The following RAD51B variants were observed in gnomAD, a reference collection of about 807,000 sequenced individuals.
RAD51B encodes the protein DNA repair protein RAD51 homolog 2.
Under a neutral mutation model 42.2 loss-of-function variants are expected in RAD51B, and 38 were observed. The ratio of observed to expected loss-of-function variants is 0.90; its 90% CI spans 0.70 to 1.18. The LOEUF (loss-of-function observed/expected upper bound fraction) is 1.18, where lower values mean the gene tolerates loss of function less well. Among genes scored for constraint, RAD51B ranks in the 50% most tolerant of loss-of-function variants. RAD51B has a pLI of 0.00. For missense variants in RAD51B, 373 were observed against 400.7 expected, an observed-to-expected ratio of 0.93 and a Z score of 0.59; for synonymous variants, 154 against 145.2, an observed-to-expected ratio of 1.06 and a Z score of -0.43.
intron 7 of RAD51B, among the ~76,000 whole-genome samples, chr14:68,254,902 A>T (rs1308548191): frequency 1.3e-5 from 2 of 152,156 alleles, no homozygotes; most frequent in Non-Finnish European, 2.9e-5. Context: ...GCAATTTAGG[A>T]GGAGCTGGAA....
At chr14:68,083,656 A>G (rs1436845528) in intron 7 of RAD51B, among the ~76,000 whole-genome samples, 1 of 152,244 alleles carries the variant, frequency 6.6e-6, no homozygotes, top group Non-Finnish European at 1.5e-5. Flanking sequence ...GTGGTTACTT[A>G]TTAAAGATAA....
At chr14:68,481,572 A>G (rs1448045721), downstream of RAD51B, among the ~76,000 whole-genome samples, 3 of 152,208 alleles carry the variant, frequency 2.0e-5, no homozygotes, top group African/African-American at 7.2e-5. Context: ...CGTGTCTGAC[A>G]CACACTTTAC....
intron 10 of RAD51B, chr14:68,627,470 C>G (rs1450227571): frequency 1.3e-5 from 2 of 152,184 alleles, no homozygotes; most frequent in Non-Finnish European, 2.9e-5. Context: ...CTTGCACTCC[C>G]CCTGACTTGT....
intron 11 of RAD51B, among the ~76,000 whole-genome samples, chr14:68,674,219 G>T (rs147937305): frequency 6.6e-6 from 1 of 151,438 alleles, no homozygotes; most frequent in Non-Finnish European, 1.5e-5. Context: ...ACATATATAC[G>T]TGTACACACA....
chr14:67,828,752 C>T (rs1442362048), intron 3 of RAD51B, among the ~76,000 whole-genome samples: 1 of 152,210 alleles, frequency 6.6e-6, no homozygotes. Context: ...GCAATCCTTT[C>T]CCCATTGCTT....
At chr14:67,939,200 T>C (rs1282261809) in intron 7 of RAD51B, among the ~76,000 whole-genome samples, 1 of 152,146 alleles carries the variant, frequency 6.6e-6, no homozygotes, top group Non-Finnish European at 1.5e-5. Context: ...GGCTTTACTC[T>C]TCCCCGCCCC....
Position 68,530,341 on chromosome 14 carries a change from G to A in RAD51B, c.1036+62091G>A, listed in dbSNP as rs182755583. ...ATGCACCTATAGTCCCAGCTTCTTC[G>A]AGGGCTGATATGGGAGGATTGCTGG... is the stretch of plus-strand genomic sequence containing the variant. On this transcript the variant is annotated intron_variant, in intron 10 of 10. Coordinates refer to the RAD51B transcript ENST00000487270. Among the ~76,000 whole-genome samples, 654 of 150,364 alleles carry A rather than the reference G, an allele frequency of 4.3e-3. 7 individuals are homozygous for A. Among genetic ancestry groups the A allele is most frequent in the African/African-American group, 0.015 (600 of 40,936 alleles).
chr14:67,941,147 G>T (rs959665259), intron 7 of RAD51B, among the ~76,000 whole-genome samples: 14 of 152,128 alleles, frequency 9.2e-5, no homozygotes, highest in Non-Finnish European at 1.5e-4. Flanking sequence ...CATTGTTCAT[G>T]GTCCTTCTGT....
At chr14:68,617,014 C>T (rs754519274) in intron 10 of RAD51B, among the ~76,000 whole-genome samples, 2 of 152,022 alleles carry the variant, frequency 1.3e-5, no homozygotes, top group Non-Finnish European at 2.9e-5. Context: ...GCTGTTTTAA[C>T]GTGCCTGTCT....
intron 8 of RAD51B, among the ~76,000 whole-genome samples, chr14:68,349,720 A>G (rs760256942): frequency 2.0e-5 from 3 of 152,128 alleles, no homozygotes; most frequent in Non-Finnish European, 4.4e-5. Context: ...TTGAACATGG[A>G]AGACCCAAGT....
chr14:68,468,984 A>T (rs923267700), intron 10 of RAD51B: 1 of 333,630 alleles, frequency 3.0e-6, no homozygotes, highest in African/African-American at 2.1e-5. Context: ...GGTAAATTCC[A>T]GCACTGTTAG....
chr14:68,305,343 T>C (rs955132681), intron 8 of RAD51B, among the ~76,000 whole-genome samples: 2 of 152,250 alleles, frequency 1.3e-5, no homozygotes, highest in African/African-American at 4.8e-5. Flanking sequence ...GTATCAGGCT[T>C]GGCCTCTCCC....
rs140409108 is a variant in RAD51B, at chr14:67,901,981, G to C, written c.756+14777G>C. Among the ~76,000 whole-genome samples the C allele has an allele frequency of 8.3e-3, 1,257 of 152,256 alleles. 16 individuals carry two copies. Among genetic ancestry groups the C allele is most frequent in the African/African-American group, 0.028 (1,179 of 41,546 alleles). On this transcript the variant is annotated intron_variant, in intron 7 of 10. Coordinates refer to ENST00000471583, the MANE Select transcript of RAD51B (RefSeq NM_133510.4). ...TATTCCAGTGATGGATACCTGGAAA[G>C]TCCTGACTTCATCACTATGCAATAT...
intron 4 of RAD51B, among the ~76,000 whole-genome samples, chr14:67,845,731 A>T (rs2041589777): frequency 6.6e-6 from 1 of 151,916 alleles, no homozygotes; most frequent in Non-Finnish European, 1.5e-5. Context: ...TACCTTAAGA[A>T]TGTTGAATAT....
chr14:68,672,737 T>C (rs1893184158), intron 11 of RAD51B, among the ~76,000 whole-genome samples: 1 of 152,120 alleles, frequency 6.6e-6, no homozygotes, highest in African/African-American at 2.4e-5. Flanking sequence ...ATCCCATCGA[T>C]CATAAGAGAT....
chr14:68,680,186 T>TA (rs1329001826), intron 11 of RAD51B, among the ~76,000 whole-genome samples: 4 of 152,200 alleles, frequency 2.6e-5, no homozygotes, highest in Non-Finnish European at 5.9e-5. Flanking sequence ...AGCACTTCCA[T>TA]AAGTCTAGAT....
chr14:68,611,610 T>G (rs145831690), downstream of RAD51B: 20 of 362,162 alleles, frequency 5.5e-5, no homozygotes, highest in East Asian at 9.1e-4. Context: ...ATTAGTGTGT[T>G]TTGTAGAAGT....
chr14:68,451,098 C>T (rs2085548089), intron 9 of RAD51B, among the ~76,000 whole-genome samples: 1 of 152,168 alleles, frequency 6.6e-6, no homozygotes, highest in Non-Finnish European at 1.5e-5. Flanking sequence ...CTATAGAATG[C>T]TCAGCCTGAT....
At chr14:67,981,328 A>G (rs1317679354) in intron 7 of RAD51B, among the ~76,000 whole-genome samples, 2 of 152,254 alleles carry the variant, frequency 1.3e-5, no homozygotes, top group Non-Finnish European at 2.9e-5. Flanking sequence ...GTTGGTGAAT[A>G]TGTGGAGGAG....
Sources: allele counts gnomAD v4.1 joint callset (sites outside exome capture counted in the v4.1 genomes callset), GRCh38; gene constraint gnomAD v4.1.1; transcripts MANE v1.5; gene names NCBI Gene and HGNC (gene_info 2026-07-23, HGNC 2026-07-21).